The following DYRK1A variants were observed in gnomAD, a reference collection of about 807,000 sequenced individuals.
DYRK1A encodes the protein dual specificity tyrosine-phosphorylation-regulated kinase 1A.
In DYRK1A, 9 loss-of-function variants were observed where a neutral mutation model predicts 79.7. The ratio of observed to expected loss-of-function variants is 0.11; its 90% CI spans 0.07 to 0.20. DYRK1A has a LOEUF of 0.20. Among genes scored for constraint, DYRK1A ranks in the 10% least tolerant of loss-of-function variants. The pLI is 1.00. For missense variants in DYRK1A, 622 were observed against 956.0 expected (o/e 0.65, Z 4.61); for synonymous variants, 349 against 329.7 (o/e 1.06, Z -0.63).
chr21:37,370,251 T>TTA (rs911730135), intron 1 of DYRK1A, among the ~76,000 whole-genome samples: 1 of 152,176 alleles, frequency 6.6e-6, no homozygotes, highest in African/African-American at 2.4e-5. Context: ...CTACACGAAG[T>TTA]GTTAATTTGG....
chr21:37,445,356 G>C (rs2051234026), intron 2 of DYRK1A, among the ~76,000 whole-genome samples: 1 of 152,182 alleles, frequency 6.6e-6, no homozygotes, highest in African/African-American at 2.4e-5. Context: ...ATGCCAGGAG[G>C]TTTAAGATGA....
chr21:37,496,361 T>G, intron 9 of DYRK1A, 103 bp downstream of exon 9: 11 of 1,202,982 alleles, frequency 9.1e-6, no homozygotes, highest in Non-Finnish European at 1.2e-5. Flanking sequence ...TGTGTTTCAG[T>G]TAACGATTTT....
chr21:37,400,952 T>C (rs1233610050), intron 1 of DYRK1A, among the ~76,000 whole-genome samples: 2 of 152,104 alleles, frequency 1.3e-5, no homozygotes, highest in Non-Finnish European at 2.9e-5. Flanking sequence ...CAAGACAGCC[T>C]GGCCAACATG....
At chr21:37,405,933 T>C (rs938643318) in intron 1 of DYRK1A, among the ~76,000 whole-genome samples, 9 of 152,230 alleles carry the variant, frequency 5.9e-5, no homozygotes, top group African/African-American at 2.2e-4. Flanking sequence ...GTAAACTTGT[T>C]TCTCAGTTGT....
chr21:37,481,342 G>C (rs1030544385), intron 5 of DYRK1A: 2 of 152,134 alleles, frequency 1.3e-5, no homozygotes, highest in African/African-American at 2.4e-5. Context: ...TTAGTCTCTT[G>C]TATCAGTCGC....
intron 7 of DYRK1A, among the ~76,000 whole-genome samples, chr21:37,491,996 G>A (rs990857521): frequency 2.6e-5 from 4 of 152,158 alleles, no homozygotes; most frequent in African/African-American, 9.7e-5. Context: ...TGTGTTTTGG[G>A]GAAAGCAACT....
At chr21:37,485,204 A>T (rs949435391) in intron 5 of DYRK1A, among the ~76,000 whole-genome samples, 1 of 152,186 alleles carries the variant, frequency 6.6e-6, no homozygotes, top group Non-Finnish European at 1.5e-5. Flanking sequence ...CTGTTTGGCA[A>T]GTCAGTAGAT....
intron 2 of DYRK1A, among the ~76,000 whole-genome samples, chr21:37,441,043 AT>A (rs34549660): frequency 1.3e-5 from 2 of 151,476 alleles, no homozygotes; most frequent in African/African-American, 2.4e-5. Flanking sequence ...TAGTTTTATC[AT>A]TTTTTTTGGT....
intron 2 of DYRK1A, among the ~76,000 whole-genome samples, chr21:37,464,477 C>G (rs2051958035): frequency 6.6e-6 from 1 of 152,298 alleles, no homozygotes; most frequent in African/African-American, 2.4e-5. Flanking sequence ...ACTCCACATG[C>G]ATGATTTTCT....
At chr21:37,435,525 C>T (rs553625152) in intron 2 of DYRK1A, among the ~76,000 whole-genome samples, 2 of 152,294 alleles carry the variant, frequency 1.3e-5, no homozygotes, top group South Asian at 4.1e-4. Context: ...ATGTGTATTA[C>T]ATTTTAGAAA....
chr21:37,510,214 A>G (rs2053711190), intron 11 of DYRK1A, among the ~76,000 whole-genome samples: 1 of 152,236 alleles, frequency 6.6e-6, no homozygotes, highest in Non-Finnish European at 1.5e-5. Flanking sequence ...TGTGATTTAT[A>G]ATTTTGATAA....
chr21:37,428,280 G>A (rs966757751), intron 2 of DYRK1A, among the ~76,000 whole-genome samples: 3 of 152,170 alleles, frequency 2.0e-5, no homozygotes, highest in African/African-American at 7.2e-5. Flanking sequence ...TTTTGTATGG[G>A]AGAACTAAGT....
chr21:37,513,710 T>A lies in DYRK1A; in HGVS notation c.*1179T>A, dbSNP rs2053826281. ...TTCTTCTGCACAAAGATGTCTTCTG[T>A]TCATCCTGAACATTTTTAAAAAATG... On this transcript the variant is annotated 3_prime_UTR_variant, in exon 12 of 12. Coordinates refer to ENST00000647188, the MANE Select transcript of DYRK1A (RefSeq NM_001347721.2). 6.6e-6 allele frequency: 1 copy of A among 152,668 alleles called. No individual in the cohort carries two copies. Among genetic ancestry groups the A allele is most frequent in the Admixed American group, 6.5e-5 (1 of 15,290 alleles). 9.5% of individuals were successfully genotyped at this position (152,668 alleles called of 1,614,324 possible).
intron 2 of DYRK1A, among the ~76,000 whole-genome samples, chr21:37,453,009 G>T (rs1285281210): frequency 6.6e-6 from 1 of 152,126 alleles, no homozygotes; most frequent in Non-Finnish European, 1.5e-5. Context: ...TTTTGGGAGG[G>T]CAAGGCAGGT....
chr21:37,472,809 C>T lies in DYRK1A; in HGVS notation c.136C>T (p.Pro46Ser). Reference sequence around the variant, plus strand: ...ACATCAGTACAGTGACCGTCGCCAGCCAAACATAAGTGACCAACAGGTTTC... The same window carrying T: ...ACATCAGTACAGTGACCGTCGCCAGTCAAACATAAGTGACCAACAGGTTTC... ...HSHQYSDRRQ[P>S]NISDQQVSAL... The change falls in exon 3 of 12, where the codon CCA (proline) becomes TCA (serine). Residue 46 changes from proline to serine, a missense_variant. Pro to Ser is a moderately conservative substitution (Grantham distance 74). Transcript: ENST00000647188. 6.2e-7 allele frequency: 1 copy of T among 1,609,688 alleles called. No individual in the cohort carries two copies. Among genetic ancestry groups the T allele is most frequent in the Non-Finnish European group, 8.5e-7 (1 of 1,176,918 alleles).
chr21:37,461,464 T>C (rs896630260), intron 2 of DYRK1A, among the ~76,000 whole-genome samples: 4 of 152,184 alleles, frequency 2.6e-5, no homozygotes, highest in Admixed American at 2.6e-4. Context: ...TACATACATA[T>C]TTACATTTCT....
Position 37,486,562 on chromosome 21 carries a change from G to T in DYRK1A, c.585G>T (p.Val195=). 2 of 1,597,362 alleles carry T rather than the reference G, an allele frequency of 1.3e-6. No individual in the cohort carries two copies. The highest frequency in any genetic ancestry group is 1.7e-6 in the Non-Finnish European group (2 of 1,173,206). ...KAFLNQAQIE[V]RLLELMNKHD... ...TTCTGAATCAAGCACAGATAGAAGT[G>T]CGACTTCTTGAGCTCATGAACAAAC... The change falls in exon 6 of 12, where the codon GTG becomes GTT. Residue 195 remains valine, a synonymous_variant. Coordinates refer to ENST00000647188, the MANE Select transcript of DYRK1A (RefSeq NM_001347721.2).
intron 2 of DYRK1A, among the ~76,000 whole-genome samples, chr21:37,468,005 A>G (rs763465335): frequency 1.4e-4 from 21 of 152,212 alleles, no homozygotes; most frequent in Non-Finnish European, 2.5e-4. Flanking sequence ...GGGCACCACC[A>G]TTCTATAGAG....
At chr21:37,493,954 T>TC (rs1555986049) in intron 8 of DYRK1A, among the ~76,000 whole-genome samples, 3 of 146,222 alleles carry the variant, frequency 2.1e-5, no homozygotes, top group African/African-American at 7.5e-5. Context: ...TTTTTTTTTT[T>TC]CCCGGAGATG....
Sources: gnomAD v4.1 joint callset for allele counts (sites outside exome capture counted in the v4.1 genomes callset) on GRCh38, gnomAD v4.1.1 for gene constraint, MANE v1.5 for transcripts, NCBI Gene and HGNC (gene_info 2026-07-23, HGNC 2026-07-21) for gene names.